The following MICU3 variants were observed in gnomAD, a reference collection of about 807,000 sequenced individuals.
The protein encoded by MICU3 is calcium uptake protein 3, mitochondrial.
A neutral mutation model predicts 66.5 loss-of-function variants in MICU3; 62 were observed. That is an observed-to-expected ratio of 0.93 (90% CI 0.76 to 1.15). The LOEUF is 1.15. Among genes scored for constraint, MICU3 ranks in the 50% most tolerant of loss-of-function variants. The probability of loss-of-function intolerance (pLI) is 0.00; values close to 1 mark genes in which losing one functional copy is unlikely to be tolerated. For missense variants in MICU3, 779 were observed against 664.4 expected (o/e 1.17, Z -1.90); for synonymous variants, 308 against 240.7 (o/e 1.28, Z -2.59).
chr8:17,079,996 T>C (rs1820938071), intron 4 of MICU3, among the ~76,000 whole-genome samples: 1 of 152,108 alleles, frequency 6.6e-6, no homozygotes, highest in African/African-American at 2.4e-5. Flanking sequence ...TTAAAATTTG[T>C]TTTGATTGAA....
intron 1 of MICU3, among the ~76,000 whole-genome samples, chr8:17,043,605 C>A (rs1814579697): frequency 6.6e-6 from 1 of 152,176 alleles, no homozygotes; most frequent in Non-Finnish European, 1.5e-5. Context: ...CACATGACCT[C>A]CTCCAGACTG....
intron 1 of MICU3, among the ~76,000 whole-genome samples, chr8:17,051,328 G>A (rs1231439137): frequency 6.6e-6 from 1 of 152,124 alleles, no homozygotes; most frequent in African/African-American, 2.4e-5. Context: ...ATAGTTGAGA[G>A]CCTGCTAGAA....
chr8:17,065,241 C>T (rs1414993201), intron 2 of MICU3, among the ~76,000 whole-genome samples: 4 of 151,950 alleles, frequency 2.6e-5, no homozygotes, highest in African/African-American at 9.7e-5. Context: ...TTTTTTCCTC[C>T]AGAGACAGCA....
rs1039484853 is a variant in MICU3 at position 17,122,139 on chromosome 8, T to G, written c.*1852T>G. On this transcript the variant is annotated 3_prime_UTR_variant, in exon 15 of 15. Transcript: ENST00000318063. Reference sequence around the variant, plus strand: ...AGCATTGTACATATGCAATCTTTATTTTATTCTTTATTGCTTATCAGAGTG... The same window carrying G: ...AGCATTGTACATATGCAATCTTTATGTTATTCTTTATTGCTTATCAGAGTG... 47 of 151,868 alleles carry G rather than the reference T, an allele frequency of 3.1e-4. No individual in the cohort carries two copies. Among genetic ancestry groups the G allele is most frequent in the Non-Finnish European group, 3.0e-5 (2 of 67,764 alleles). 9.4% of individuals were successfully genotyped at this position (151,868 alleles called of 1,614,324 possible).
intron 2 of MICU3, among the ~76,000 whole-genome samples, chr8:17,066,772 C>T (rs1671064573): frequency 6.6e-6 from 1 of 151,836 alleles, no homozygotes; most frequent in African/African-American, 2.4e-5. Context: ...GGCTTGAACT[C>T]CTGGGCTCGA....
chr8:17,083,372 A>G (rs759215052), intron 5 of MICU3, among the ~76,000 whole-genome samples: 118 of 152,054 alleles, frequency 7.8e-4, no homozygotes, highest in Non-Finnish European at 9.3e-4. Flanking sequence ...TGACTCCTAA[A>G]CCATAATTTC....
intron 1 of MICU3, among the ~76,000 whole-genome samples, chr8:17,043,247 A>AT (rs1303853235): frequency 6.6e-6 from 1 of 152,124 alleles, no homozygotes; most frequent in Non-Finnish European, 1.5e-5. Flanking sequence ...CCTCAAAGTG[A>AT]TTTTTTTAAC....
intron 11 of MICU3, among the ~76,000 whole-genome samples, chr8:17,112,865 C>T (rs1001725176): frequency 1.3e-5 from 2 of 152,128 alleles, no homozygotes; most frequent in Admixed American, 1.3e-4. Flanking sequence ...GTTTTTTTGG[C>T]AACAAGCTCT....
chr8:17,133,840 C>T, the MICU3 span, among the ~76,000 whole-genome samples: 1 of 152,130 alleles, frequency 6.6e-6, no homozygotes, highest in East Asian at 1.9e-4. Flanking sequence ...TTTCAGCATA[C>T]TCCTTGTGTG....
intron 8 of MICU3, among the ~76,000 whole-genome samples, chr8:17,096,855 C>G (rs1002587697): frequency 1.3e-4 from 19 of 151,748 alleles, no homozygotes; most frequent in African/African-American, 4.6e-4. Context: ...TATCCTAACC[C>G]CAACATTTGG....
the MICU3 span, among the ~76,000 whole-genome samples, chr8:17,136,526 AG>A: frequency 2.0e-5 from 3 of 151,968 alleles, no homozygotes; most frequent in African/African-American, 7.2e-5. Flanking sequence ...GGGAAAATGG[AG>A]CTTGTGGAGG....
At chr8:17,063,644 G>A (rs1460234779) in intron 1 of MICU3, among the ~76,000 whole-genome samples, 2 of 150,252 alleles carry the variant, frequency 1.3e-5, no homozygotes, top group Non-Finnish European at 3.0e-5. Flanking sequence ...TAGCCTATTG[G>A]GATTTTACTT....
chr8:17,120,008 C>A (rs1210875885), intron 14 of MICU3, among the ~76,000 whole-genome samples: 3 of 152,060 alleles, frequency 2.0e-5, no homozygotes, highest in African/African-American at 4.8e-5. Flanking sequence ...AGGTAGTGTT[C>A]CCGACCGACT....
intron 3 of MICU3, among the ~76,000 whole-genome samples, chr8:17,072,384 C>T (rs1313398536): frequency 6.6e-6 from 1 of 151,308 alleles, no homozygotes; most frequent in Non-Finnish European, 1.5e-5. Context: ...AAACTAATTT[C>T]AGATGGATTA....
intron 1 of MICU3, among the ~76,000 whole-genome samples, chr8:17,028,921 T>G (rs1416234082): frequency 2.7e-5 from 4 of 146,354 alleles, no homozygotes; most frequent in South Asian, 2.3e-4. Context: ...TCAAGTAGTA[T>G]TTTCTTTTCT....
At chr8:17,069,748 C>G in intron 3 of MICU3, 29 bp downstream of exon 3, 2 of 1,318,018 alleles carry the variant, frequency 1.5e-6, no homozygotes, top group Non-Finnish European at 2.1e-6. Context: ...TAGATATACA[C>G]AAATTTTATA....
intron 1 of MICU3, 58 bp from the exon 2 acceptor site, chr8:17,064,026 C>A: frequency 7.4e-7 from 1 of 1,345,372 alleles, no homozygotes; most frequent in Non-Finnish European, 1.0e-6. Flanking sequence ...TTAAAAGTAT[C>A]TTCTAGAGGG....
rs80044284 is a variant in MICU3 at position 17,049,800 on chromosome 8, A to G, written c.382-14284A>G. Reference sequence around the variant, plus strand: ...AACTCTTTTGTACAGTTGCACTAATAATATATGTCTGCTTGCCTTTTAAAA... The same window carrying G: ...AACTCTTTTGTACAGTTGCACTAATGATATATGTCTGCTTGCCTTTTAAAA... On this transcript the variant is annotated intron_variant, in intron 1 of 14. Coordinates refer to ENST00000318063, the MANE Select transcript of MICU3 (RefSeq NM_181723.3). 9.0e-3 allele frequency among the ~76,000 whole-genome samples: 1,374 copies of G among 152,310 alleles called. 52 individuals carry two copies. Among genetic ancestry groups the G allele is most frequent in the East Asian group, 0.072 (375 of 5,180 alleles).
chr8:17,058,722 C>A (rs536610181), intron 1 of MICU3, among the ~76,000 whole-genome samples: 14 of 152,306 alleles, frequency 9.2e-5, no homozygotes, highest in Admixed American at 3.9e-4. Flanking sequence ...GTATACTCAG[C>A]AGAACTTCAT....
Sources: gnomAD v4.1 joint callset for allele counts (sites outside exome capture counted in the v4.1 genomes callset) on GRCh38, gnomAD v4.1.1 for gene constraint, MANE v1.5 for transcripts, NCBI Gene and HGNC (gene_info 2026-07-23, HGNC 2026-07-21) for gene names.